The following MTMR3 variants were observed in gnomAD, a reference collection of about 807,000 sequenced individuals.
MTMR3 encodes phosphatidylinositol-3,5-bisphosphate 3-phosphatase MTMR3.
In MTMR3, 32 loss-of-function variants were observed where a neutral mutation model predicts 132.4. That is an observed-to-expected ratio of 0.24 (90% confidence interval 0.18 to 0.32). The LOEUF (loss-of-function observed/expected upper bound fraction) is 0.32. Among genes scored for constraint, MTMR3 ranks in the 10% least tolerant of loss-of-function variants. MTMR3 has a pLI of 1.00. For synonymous variants in MTMR3, 556 were observed against 550.3 expected, an observed-to-expected ratio of 1.01 and a Z score of -0.14; for missense variants, 1,216 against 1,489.6, an observed-to-expected ratio of 0.82 and a Z score of 3.02.
At chr22:29,978,616 A>G (rs1374703578) in intron 4 of MTMR3, 85 bp downstream of exon 4, 6 of 912,126 alleles carry the variant, frequency 6.6e-6, no homozygotes, top group South Asian at 5.4e-5. Context: ...GTAACGTACT[A>G]TATTATATAT....
At chr22:30,012,742 C>T (rs2067464532) in intron 13 of MTMR3, 179 bp downstream of exon 13, 1 of 573,204 alleles carries the variant, frequency 1.7e-6, no homozygotes, top group East Asian at 3.0e-5. Flanking sequence ...TCTTGCACCT[C>T]TTAAAATGGG....
At chr22:29,959,157 G>C (rs1185205304) in intron 2 of MTMR3, among the ~76,000 whole-genome samples, 1 of 152,170 alleles carries the variant, frequency 6.6e-6, no homozygotes, top group Non-Finnish European at 1.5e-5. Flanking sequence ...ATGTTGGTTT[G>C]CTTCTGTAAA....
At chr22:30,019,229 C>G in intron 16 of MTMR3, 1 of 389,854 alleles carries the variant, frequency 2.6e-6, no homozygotes, top group Non-Finnish European at 4.6e-6. Flanking sequence ...GAAAATAGCA[C>G]TTGCTGTTAG....
At chr22:29,893,674 G>T (rs927892831) in intron 1 of MTMR3, among the ~76,000 whole-genome samples, 10 of 151,712 alleles carry the variant, frequency 6.6e-5, no homozygotes, top group African/African-American at 1.7e-4. Flanking sequence ...AATGAACTAA[G>T]ACACTTATAT....
intron 1 of MTMR3, among the ~76,000 whole-genome samples, chr22:29,941,061 G>A (rs1012597446): frequency 6.7e-6 from 1 of 149,884 alleles, no homozygotes; most frequent in Non-Finnish European, 1.5e-5. Flanking sequence ...TTTATGCACC[G>A]CTTCTAGTTA....
intron 5 of MTMR3, 66 bp downstream of exon 5, chr22:29,979,118 T>C: frequency 9.3e-7 from 1 of 1,073,254 alleles, no homozygotes; most frequent in Non-Finnish European, 1.4e-6. Context: ...AACTTAATGC[T>C]CTCAAAGAGA....
intron 1 of MTMR3, among the ~76,000 whole-genome samples, chr22:29,941,779 T>G (rs1257115937): frequency 6.6e-6 from 1 of 152,214 alleles, no homozygotes; most frequent in Non-Finnish European, 1.5e-5. Context: ...TATTACCATC[T>G]TAACCATTTT....
At chr22:30,009,418 G>A (rs946611508) in intron 12 of MTMR3, 1 of 320,890 alleles carries the variant, frequency 3.1e-6, no homozygotes, top group Middle Eastern at 9.3e-4. Context: ...TTACCTTACT[G>A]TTTGTCCTGG....
Position 30,028,279 on chromosome 22 carries a change from C to G in MTMR3, c.*2478C>G, listed in dbSNP as rs1334303294. 1 of 152,390 alleles carries G rather than the reference C, an allele frequency of 6.6e-6. No individual in the cohort carries two copies. The allele number at this position is 152,390 out of a possible 1,614,324, so 9.4% of individuals were successfully genotyped here. A position where few individuals can be genotyped will look rare whatever the true frequency, so the allele number is the denominator to read the frequency against. On this transcript the variant is annotated 3_prime_UTR_variant, in exon 20 of 20. Coordinates refer to ENST00000401950, the MANE Select transcript of MTMR3 (RefSeq NM_021090.4). ...GATGTGGGGTGGGGGTGAGAAAATG[C>G]TTCTGCCTGTTGTTCTTGAAGGATA...
At chr22:30,017,692 T>G (rs2067629562) in intron 15 of MTMR3, 6 of 469,744 alleles carry the variant, frequency 1.3e-5, no homozygotes, top group Non-Finnish European at 2.2e-5. Flanking sequence ...AAAAAATATT[T>G]TATATTTTCA....
At position 30,029,559 on chromosome 22, in the gene MTMR3, C is replaced by T. The variant is rs773340475; in HGVS notation, c.*3758C>T. 6.6e-6 allele frequency: 1 copy of T among 152,328 alleles called. No individual in the cohort carries two copies. Among genetic ancestry groups the T allele is most frequent in the Non-Finnish European group, 1.5e-5 (1 of 68,044 alleles). The allele number at this position is 152,328 out of a possible 1,614,324, so 9.4% of individuals were successfully genotyped here. ...TTAAAGGCATATCCTGATATACTTG[C>T]CTGCTTGCACATGAGGCTGGGAGAT... On this transcript the variant is annotated 3_prime_UTR_variant, in exon 20 of 20. Transcript: ENST00000401950.
chr22:29,954,059 C>CTTTTTTTTTTTTTTTTTT lies in MTMR3; in HGVS notation c.-137-2970_-137-2953dup, dbSNP rs59781649. Among the ~76,000 whole-genome samples the CTTTTTTTTTTTTTTTTTT allele has an allele frequency of 1.5e-4, 12 of 79,436 alleles. 1 individual carries two copies. The highest frequency in any genetic ancestry group is 5.8e-4 in the African/African-American group (11 of 18,936). 52.1% of individuals were successfully genotyped at this position (79,436 alleles called of 152,430 possible). ...CCCTTTTTTTTTCTTTCAAATGAGT[C>CTTTTTTTTTTTTTTTTTT]TTTTTTTTTTTTTTTTTTTTTTTTG... On this transcript the variant is annotated intron_variant, in intron 1 of 19. Transcript: ENST00000401950.
At chr22:29,904,484 T>C (rs1383325217) in intron 1 of MTMR3, among the ~76,000 whole-genome samples, 1 of 152,242 alleles carries the variant, frequency 6.6e-6, no homozygotes, top group Non-Finnish European at 1.5e-5. Context: ...TACCTGTCTG[T>C]GATCTTGGGG....
chr22:29,896,406 A>G (rs909781115), intron 1 of MTMR3, among the ~76,000 whole-genome samples: 1 of 152,180 alleles, frequency 6.6e-6, no homozygotes, highest in Non-Finnish European at 1.5e-5. Flanking sequence ...TTCTTCGGCA[A>G]TTTCTCGTGT....
At position 30,020,330 on chromosome 22, in the gene MTMR3, G is replaced by A. The variant is rs752195172; in HGVS notation, c.2671G>A (p.Glu891Lys). Reference sequence around the variant, plus strand: ...CAGCCCTTCAGAGACAAGCCTGGTCGAGAGGCCCCAAGTGGGGTCTGTGGT... The same window carrying A: ...CAGCCCTTCAGAGACAAGCCTGGTCAAGAGGCCCCAAGTGGGGTCTGTGGT... ...EPSPSETSLVERPQVGSVVHR... is the reference protein window; with the variant it reads ...EPSPSETSLVKRPQVGSVVHR... Residue 891 changes from glutamate (E) to lysine (K), a missense_variant, in exon 17 of 20, where the codon GAG becomes AAG. Glu to Lys is a moderately conservative substitution (Grantham distance 56). Around this residue, in one of 7 missense-constraint regions of MTMR3, gnomAD observed 852 missense variants for 852.0 expected, o/e 1.00. Coordinates refer to ENST00000401950, the MANE Select transcript of MTMR3 (RefSeq NM_021090.4). 12 of 1,614,070 alleles carry A rather than the reference G, an allele frequency of 7.4e-6. No homozygotes were observed. Among genetic ancestry groups the A allele is most frequent in the South Asian group, 3.3e-5 (3 of 91,084 alleles).
At chr22:29,948,856 A>G (rs912516624) in intron 1 of MTMR3, among the ~76,000 whole-genome samples, 6 of 151,544 alleles carry the variant, frequency 4.0e-5, no homozygotes, top group African/African-American at 1.2e-4. Flanking sequence ...TGTAATTCCA[A>G]CACTTTGGGA....
intron 2 of MTMR3, 41 bp from the exon 3 acceptor site, chr22:29,970,934 TC>T: frequency 1.3e-6 from 1 of 757,602 alleles, no homozygotes; most frequent in Non-Finnish European, 1.9e-6. Context: ...CCTCCCCTCC[TC>T]TTTTTTTTTT....
chr22:29,976,179 T>C (rs1195098841), intron 3 of MTMR3, among the ~76,000 whole-genome samples: 1 of 151,900 alleles, frequency 6.6e-6, no homozygotes. Flanking sequence ...ATAAAAGTTG[T>C]AAGTACTAGG....
At chr22:29,948,106 C>T (rs534645790) in intron 1 of MTMR3, among the ~76,000 whole-genome samples, 4 of 152,300 alleles carry the variant, frequency 2.6e-5, no homozygotes, top group Admixed American at 2.0e-4. Flanking sequence ...ATTTTCATTT[C>T]ACATAGCCTC....
Sources: allele counts gnomAD v4.1 joint callset (sites outside exome capture counted in the v4.1 genomes callset), GRCh38; gene constraint gnomAD v4.1.1; regional missense constraint gnomAD v4.1.1; transcripts MANE v1.5; gene names NCBI Gene and HGNC (gene_info 2026-07-23, HGNC 2026-07-21).